The following ASB5 variants were observed in gnomAD, a reference collection of about 807,000 sequenced individuals.
ASB5 encodes the protein ankyrin repeat and SOCS box containing 5.
ASB5 carries 45 observed loss-of-function variants against 42.1 expected under a neutral mutation model. The ratio of observed to expected loss-of-function variants is 1.07; its 90% CI spans 0.84 to 1.37. The LOEUF is 1.37. Ranked by LOEUF, ASB5 falls within the 40% of genes most tolerant of loss-of-function variation. ASB5 has a pLI of 0.00. For missense variants in ASB5, 402 were observed against 399.8 expected, an observed-to-expected ratio of 1.01 and a Z score of -0.05; for synonymous variants, 147 against 150.6, an observed-to-expected ratio of 0.98 and a Z score of 0.18.
At chr4:176,270,565 G>T (rs1427787826), upstream of ASB5, among the ~76,000 whole-genome samples, 1 of 152,060 alleles carries the variant, frequency 6.6e-6, no homozygotes, top group African/African-American at 2.4e-5. Flanking sequence ...ATATTAGAAA[G>T]AAATTACCAA....
rs894700037 is a variant in ASB5 at position 176,215,270 on chromosome 4, T to C, written c.*330A>G. Reference sequence around the variant, plus strand: ...TGAAGAACATAGACCTTTTTAAATATAATATGAATAACTTTACTAGGAGCT... The same window carrying C: ...TGAAGAACATAGACCTTTTTAAATACAATATGAATAACTTTACTAGGAGCT... On this transcript the variant is annotated 3_prime_UTR_variant, in exon 7 of 7. Transcript: ENST00000296525. 2 of 163,946 alleles carry C rather than the reference T, an allele frequency of 1.2e-5. No homozygotes were observed. The highest frequency in any genetic ancestry group is 2.4e-5 in the African/African-American group (1 of 41,886). 10.2% of individuals were successfully genotyped at this position (163,946 alleles called of 1,614,324 possible). A position where few individuals can be genotyped will look rare whatever the true frequency, so the allele number is the denominator to read the frequency against.
chr4:176,248,189 C>T (rs574046371), intron 1 of ASB5, among the ~76,000 whole-genome samples: 19 of 152,250 alleles, frequency 1.2e-4, no homozygotes, highest in South Asian at 1.2e-3. Context: ...TGCAGCGGCA[C>T]GATCATGGCT....
chr4:176,222,199 T>C, intron 3 of ASB5, 114 bp downstream of exon 3: 1 of 914,898 alleles, frequency 1.1e-6, no homozygotes, highest in Non-Finnish European at 1.7e-6. Context: ...TTTATTTTTA[T>C]TCTGCTATTT....
chr4:176,221,422 T>C (rs947737951), intron 4 of ASB5, 28 bp downstream of exon 4: 1 of 1,607,788 alleles, frequency 6.2e-7, no homozygotes, highest in Non-Finnish European at 8.5e-7. Context: ...CTTTCTTCCC[T>C]TGTCACTTAA....
chr4:176,267,761 G>C (rs1018977861), intron 1 of ASB5, among the ~76,000 whole-genome samples: 1 of 152,034 alleles, frequency 6.6e-6, no homozygotes, highest in Non-Finnish European at 1.5e-5. Context: ...TTTTGAATAA[G>C]AACATCAATT....
At chr4:176,230,390 A>G (rs1027405605) in intron 1 of ASB5, among the ~76,000 whole-genome samples, 2 of 152,200 alleles carry the variant, frequency 1.3e-5, no homozygotes, top group Admixed American at 1.3e-4. Flanking sequence ...GCAACCAACA[A>G]CTGCTGTTAT....
At chr4:176,233,539 T>C (rs1281497939) in intron 1 of ASB5, among the ~76,000 whole-genome samples, 2 of 152,238 alleles carry the variant, frequency 1.3e-5, no homozygotes, top group Non-Finnish European at 1.5e-5. Flanking sequence ...CATCACCTGG[T>C]AATGATAATA....
At chr4:176,261,222 T>G (rs1754262867) in intron 1 of ASB5, among the ~76,000 whole-genome samples, 1 of 152,172 alleles carries the variant, frequency 6.6e-6, no homozygotes, top group Non-Finnish European at 1.5e-5. Flanking sequence ...GGATGCGCAG[T>G]GCTGAGTCAG....
At chr4:176,273,367 T>C (rs1386888908), upstream of ASB5, among the ~76,000 whole-genome samples, 1 of 152,076 alleles carries the variant, frequency 6.6e-6, no homozygotes, top group Non-Finnish European at 1.5e-5. Flanking sequence ...GAGAAAAAAG[T>C]ATGCAAGTTG....
At chr4:176,227,118 C>T (rs1328442420) in intron 1 of ASB5, among the ~76,000 whole-genome samples, 2 of 152,242 alleles carry the variant, frequency 1.3e-5, no homozygotes, top group Non-Finnish European at 1.5e-5. Flanking sequence ...GGAGCATCAG[C>T]TCTGGAGTTA....
intron 1 of ASB5, among the ~76,000 whole-genome samples, chr4:176,259,184 T>C (rs551802179): frequency 1.3e-5 from 2 of 152,322 alleles, no homozygotes; most frequent in South Asian, 4.1e-4. Context: ...TATTCTTTCC[T>C]GGATGCAACA....
At position 176,214,470 on chromosome 4, in the gene ASB5, T is replaced by C. The variant is rs1283347890; in HGVS notation, c.*1130A>G. ...TAGTTAAAGCTGAAGAGAATAAACG[T>C]AGTATTTACCCTTGCAGAGGACTAG... On this transcript the variant is annotated 3_prime_UTR_variant, in exon 7 of 7. Coordinates refer to ENST00000296525, the MANE Select transcript of ASB5 (RefSeq NM_080874.4). 6.6e-6 allele frequency: 1 copy of C among 152,148 alleles called. No homozygotes were observed. The highest frequency in any genetic ancestry group is 6.6e-5 in the Admixed American group (1 of 15,252). The allele number at this position is 152,148 out of a possible 1,614,324, so 9.4% of individuals were successfully genotyped here.
chr4:176,235,804 T>G (rs966578477), intron 1 of ASB5, among the ~76,000 whole-genome samples: 1 of 150,858 alleles, frequency 6.6e-6, no homozygotes, highest in South Asian at 2.1e-4. Flanking sequence ...TTTTTTTTTT[T>G]ATTTTAAATC....
chr4:176,257,023 C>T, intron 1 of ASB5, among the ~76,000 whole-genome samples: 1 of 152,174 alleles, frequency 6.6e-6, no homozygotes, highest in East Asian at 1.9e-4. Context: ...TGACTCAGTT[C>T]TTTGTTGTGA....
intron 1 of ASB5, among the ~76,000 whole-genome samples, chr4:176,240,116 T>C (rs756966986): frequency 6.4e-4 from 97 of 152,112 alleles, no homozygotes; most frequent in Non-Finnish European, 1.0e-3. Flanking sequence ...AATCTCGAGA[T>C]ATCTAGAAGA....
Position 176,222,400 on chromosome 4 carries a change from T to A in ASB5, c.297A>T (p.Val99=). The change falls in exon 3 of 7, where the codon GTA becomes GTT. Residue 99 remains valine (V), a synonymous_variant. Coordinates refer to ENST00000296525, the MANE Select transcript of ASB5 (RefSeq NM_080874.4). ...LLSQGYNVNA[V]TLDHVTPLHE... is the part of the protein sequence containing the mutation. Reference sequence around the variant, plus strand: ...GCAATGGGGTGACATGGTCTAAGGTTACTGCATTTACATTATAACCCTAAA... The same window carrying A: ...GCAATGGGGTGACATGGTCTAAGGTAACTGCATTTACATTATAACCCTAAA... 1 of 1,613,298 alleles carries A rather than the reference T, an allele frequency of 6.2e-7. No homozygotes were observed. The highest frequency in any genetic ancestry group is 1.3e-5 in the African/African-American group (1 of 75,008).
intron 1 of ASB5, among the ~76,000 whole-genome samples, chr4:176,230,733 A>G (rs994066013): frequency 8.5e-5 from 13 of 152,188 alleles, no homozygotes; most frequent in Non-Finnish European, 1.6e-4. Context: ...TTATCTTTCA[A>G]TATCAATATG....
intron 1 of ASB5, among the ~76,000 whole-genome samples, chr4:176,246,498 C>A (rs1456787015): frequency 6.6e-6 from 1 of 152,192 alleles, no homozygotes; most frequent in African/African-American, 2.4e-5. Flanking sequence ...CAGTCCACAC[C>A]ACAGTGCAGT....
At chr4:176,241,569 T>C in intron 1 of ASB5, 2 of 1,512,250 alleles carry the variant, frequency 1.3e-6, no homozygotes, top group Non-Finnish European at 8.8e-7. Context: ...CGTGCCCTCA[T>C]ACAACCTTTA....
Sources: gnomAD v4.1 joint callset for allele counts (sites outside exome capture counted in the v4.1 genomes callset) on GRCh38, gnomAD v4.1.1 for gene constraint, MANE v1.5 for transcripts, NCBI Gene and HGNC (gene_info 2026-07-23, HGNC 2026-07-21) for gene names.